Variants in DDX6 observed in about 807,000 individuals in gnomAD.
DDX6 encodes the protein DEAD-box helicase 6, also known as probable ATP-dependent RNA helicase DDX6.
Under a neutral mutation model 60.6 loss-of-function variants are expected in DDX6, and 7 were observed. The ratio of observed to expected loss-of-function variants is 0.12; its 90% confidence interval spans 0.07 to 0.22. The LOEUF is 0.22. Ranked by LOEUF, DDX6 falls within the 10% of genes least tolerant of loss-of-function variation. The pLI is 1.00. For synonymous variants in DDX6, 207 were observed against 201.0 expected, an observed-to-expected ratio of 1.03 and a Z score of -0.25; for missense variants, 270 against 589.9, an observed-to-expected ratio of 0.46 and a Z score of 5.62.
At chr11:118,752,735 T>A (rs1860818891) in intron 13 of DDX6, among the ~76,000 whole-genome samples, 2 of 152,204 alleles carry the variant, frequency 1.3e-5, no homozygotes, top group Admixed American at 1.3e-4. Flanking sequence ...TGAAACAACC[T>A]ACCTTGCTTA....
At chr11:118,779,114 C>T (rs1216685991) in intron 4 of DDX6, among the ~76,000 whole-genome samples, 2 of 144,704 alleles carry the variant, frequency 1.4e-5, no homozygotes, top group Non-Finnish European at 3.0e-5. Flanking sequence ...CGAGATCAGG[C>T]CACTGAACTC....
In DDX6 at chr11:118,786,068, T is replaced by C. The variant is rs34552201; in HGVS notation, c.184A>G (p.Met62Val). 1,608 of 1,613,914 alleles carry C rather than the reference T, an allele frequency of 1.0e-3. 27 individuals are homozygous for C. In the East Asian group the frequency reaches 0.03, roughly 30 times the overall value. Residue 62 changes from methionine to valine, a missense_variant, in exon 2 of 14, where the codon ATG (methionine) becomes GTG (valine). By Grantham distance (21) the Met-to-Val change is conservative (BLOSUM62 1). Transcript: ENST00000534980. ...NNGTQQQAQS[M>V]TTTIKPGDDW... The stretch of plus-strand genomic sequence containing the variant: ...AACACTTACTTAATAGTGGTGGTCA[T>C]ACTCTGTGCTTGCTGCTGAGTGCCA...
At chr11:118,780,260 C>G (rs1254056734) in intron 3 of DDX6, among the ~76,000 whole-genome samples, 1 of 151,788 alleles carries the variant, frequency 6.6e-6, no homozygotes, top group African/African-American at 2.4e-5. Context: ...ACTGTCCCTG[C>G]TTTGACACAC....
intron 2 of DDX6, among the ~76,000 whole-genome samples, chr11:118,785,485 C>A (rs1053184644): frequency 1.3e-5 from 2 of 151,534 alleles, no homozygotes; most frequent in Non-Finnish European, 2.9e-5. Context: ...GGATTACAGG[C>A]ATGAGTCACC....
chr11:118,772,345 CT>C (rs1425580771), intron 4 of DDX6, among the ~76,000 whole-genome samples: 19 of 152,088 alleles, frequency 1.2e-4, no homozygotes, highest in Non-Finnish European at 2.5e-4. Context: ...TTGATACAAG[CT>C]ACAACACAGA....
chr11:118,765,140 A>C, intron 6 of DDX6, 69 bp downstream of exon 6: 1 of 1,552,356 alleles, frequency 6.4e-7, no homozygotes, highest in Non-Finnish European at 8.8e-7. Context: ...ACAATTTTTA[A>C]TAATTTACTG....
chr11:118,785,927 G>C, intron 2 of DDX6, 125 bp downstream of exon 2: 1 of 842,354 alleles, frequency 1.2e-6, no homozygotes, highest in Non-Finnish European at 1.8e-6. Flanking sequence ...ATAAAACAAA[G>C]TCATCTGTCC....
At chr11:118,789,938 A>G (rs11217029) in intron 1 of DDX6, 1 of 104,710 alleles carries the variant, frequency 9.6e-6, no homozygotes, top group Admixed American at 9.6e-5. Context: ...AAACAAAAAA[A>G]CAAAAAACAA....
chr11:118,776,003 C>T (rs1020852034), intron 4 of DDX6, among the ~76,000 whole-genome samples: 1 of 150,496 alleles, frequency 6.6e-6, no homozygotes, highest in Non-Finnish European at 1.5e-5. Flanking sequence ...AAAAAACAAC[C>T]AGGTGTGCTG....
intron 1 of DDX6, chr11:118,786,948 G>A (rs1465122204): frequency 1.3e-5 from 2 of 152,086 alleles, no homozygotes; most frequent in South Asian, 2.1e-4. Flanking sequence ...ACTTGTAATA[G>A]CAACCGAGAG....
At chr11:118,756,880 T>C (rs1860997018) in intron 10 of DDX6, among the ~76,000 whole-genome samples, 1 of 152,168 alleles carries the variant, frequency 6.6e-6, no homozygotes, top group South Asian at 2.1e-4. Flanking sequence ...GAATTAAACA[T>C]GGAAAGGAAG....
At chr11:118,766,266 A>G (rs189655300) in intron 5 of DDX6, among the ~76,000 whole-genome samples, 43 of 148,474 alleles carry the variant, frequency 2.9e-4, no homozygotes, top group African/African-American at 1.0e-3. Context: ...ATCTCTACTA[A>G]AAAAAAAAAT....
chr11:118,773,462 C>T (rs1287361431), intron 4 of DDX6, among the ~76,000 whole-genome samples: 1 of 152,088 alleles, frequency 6.6e-6, no homozygotes, highest in Non-Finnish European at 1.5e-5. Flanking sequence ...GTCCCAGCCA[C>T]TTGGGAGGCT....
In DDX6 at chr11:118,754,895, A is replaced by T; in HGVS notation, c.1277-8T>A. The T allele has an allele frequency of 6.3e-7, 1 of 1,588,756 alleles. No individual in the cohort carries two copies. The highest frequency in any genetic ancestry group is 8.5e-7 in the Non-Finnish European group (1 of 1,172,716). ...CAAGATGACCAAAGCGACCTAAAAA[A>T]CATGCGTTTAAAAATTTTAATGAAT... is the stretch of plus-strand genomic sequence containing the variant. On this transcript the variant is annotated splice_polypyrimidine_tract_variant and splice_region_variant and intron_variant, in intron 12 of 13. Transcript: ENST00000534980.
chr11:118,753,866 G>A (rs1020416763), intron 13 of DDX6, among the ~76,000 whole-genome samples: 4 of 152,054 alleles, frequency 2.6e-5, no homozygotes, highest in Non-Finnish European at 4.4e-5. Flanking sequence ...AGGCTGAGGC[G>A]GGTAGATCAC....
At chr11:118,755,543 A>T in intron 11 of DDX6, 40 bp from the exon 12 acceptor site, 7 of 1,180,156 alleles carry the variant, frequency 5.9e-6, no homozygotes, top group Non-Finnish European at 8.8e-6. Flanking sequence ...TTCAATTTAG[A>T]AATGTCTCTC....
At chr11:118,775,471 C>T (rs1036914405) in intron 4 of DDX6, among the ~76,000 whole-genome samples, 1 of 151,954 alleles carries the variant, frequency 6.6e-6, no homozygotes, top group Non-Finnish European at 1.5e-5. Context: ...CTGATTGATT[C>T]TAAGAAACAC....
intron 2 of DDX6, 105 bp downstream of exon 2, chr11:118,785,947 A>G: frequency 9.6e-7 from 1 of 1,046,462 alleles, no homozygotes; most frequent in Non-Finnish European, 1.4e-6. Flanking sequence ...CTCTATTTGG[A>G]ATCAAAATGG....
chr11:118,771,656 T>G (rs1193111801), intron 4 of DDX6, among the ~76,000 whole-genome samples: 1 of 152,254 alleles, frequency 6.6e-6, no homozygotes, highest in Non-Finnish European at 1.5e-5. Context: ...TTTTTAAAAC[T>G]TACTATGTGC....
Sources: allele counts gnomAD v4.1 joint callset (sites outside exome capture counted in the v4.1 genomes callset), GRCh38; gene constraint gnomAD v4.1.1; transcripts MANE v1.5; gene names NCBI Gene and HGNC (gene_info 2026-07-23, HGNC 2026-07-21).